The following MAP3K7 variants were observed in gnomAD, a reference collection of about 807,000 sequenced individuals.
The protein encoded by MAP3K7 is TGF-beta activated kinase 1.
Under a neutral mutation model 84.8 loss-of-function variants are expected in MAP3K7, and 21 were observed. The ratio of observed to expected loss-of-function variants is 0.25; its 90% CI spans 0.18 to 0.36. The LOEUF (loss-of-function observed/expected upper bound fraction) is 0.36. Among genes scored for constraint, MAP3K7 ranks in the 10% least tolerant of loss-of-function variants. The probability of loss-of-function intolerance (pLI) is 1.00; values close to 1 mark genes in which losing one functional copy is unlikely to be tolerated. For missense variants in MAP3K7, 503 were observed against 747.7 expected (o/e 0.67, Z 3.82); for synonymous variants, 241 against 247.7 (o/e 0.97, Z 0.25).
chr6:90,532,693 T>C (rs988393998), intron 13 of MAP3K7, among the ~76,000 whole-genome samples: 2 of 151,860 alleles, frequency 1.3e-5, no homozygotes, highest in Non-Finnish European at 2.9e-5. Flanking sequence ...AGAATGTATA[T>C]TGTTTTAGTG....
At chr6:90,542,747 T>A (rs568794926) in intron 12 of MAP3K7, among the ~76,000 whole-genome samples, 44 of 152,112 alleles carry the variant, frequency 2.9e-4, no homozygotes, top group Admixed American at 2.6e-4. Context: ...TAAAATAAGA[T>A]GTACTTTAAG....
intron 3 of MAP3K7, among the ~76,000 whole-genome samples, chr6:90,564,011 C>G (rs886124749): frequency 1.3e-5 from 2 of 152,158 alleles, no homozygotes; most frequent in African/African-American, 2.4e-5. Flanking sequence ...TACAGACAAA[C>G]AAATGCTGAC....
At chr6:90,585,618 C>CTTTTTTTTTTTTTTTTTTTTTTTTTT (rs1562116546) in intron 1 of MAP3K7, among the ~76,000 whole-genome samples, 7 of 150,484 alleles carry the variant, frequency 4.7e-5, no homozygotes, top group African/African-American at 1.8e-4. Context: ...GCAGTTTTTA[C>CTTTTTTTTTTTTTTTTTTTTTTTTTT]TTTTCTAAAT....
At chr6:90,580,341 T>C (rs537688014) in intron 1 of MAP3K7, among the ~76,000 whole-genome samples, 26 of 152,360 alleles carry the variant, frequency 1.7e-4, no homozygotes, top group Admixed American at 4.6e-4. Context: ...AATATTCAAG[T>C]TGTAAACCAC....
chr6:90,547,464 G>T, intron 10 of MAP3K7, 77 bp from the exon 11 acceptor site: 1 of 1,489,234 alleles, frequency 6.7e-7, no homozygotes, highest in Non-Finnish European at 9.2e-7. Context: ...AAAGGAGGAA[G>T]ATGGCAAATG....
At chr6:90,529,465 T>A (rs1362012856) in intron 13 of MAP3K7, among the ~76,000 whole-genome samples, 1 of 152,126 alleles carries the variant, frequency 6.6e-6, no homozygotes, top group Non-Finnish European at 1.5e-5. Flanking sequence ...GAGACTTAGG[T>A]TTCTCATTGA....
Position 90,571,815 on chromosome 6 carries a change from A to C in MAP3K7, c.121-8T>G. 6.6e-7 allele frequency: 1 copy of C among 1,504,574 alleles called. No individual in the cohort carries two copies. Among genetic ancestry groups the C allele is most frequent in the Non-Finnish European group, 9.1e-7 (1 of 1,103,298 alleles). The allele number at this position is 1,504,574 out of a possible 1,614,324, so 93.2% of individuals were successfully genotyped here. On this transcript the variant is annotated splice_polypyrimidine_tract_variant and splice_region_variant and intron_variant, in intron 1 of 16. Transcript: ENST00000369329. Reference sequence around the variant, plus strand: ...GGCTCCTCTTCCAACAACCTGAGTTAAACAAACAAACAAAAAACAAACAAA... The same window carrying C: ...GGCTCCTCTTCCAACAACCTGAGTTCAACAAACAAACAAAAAACAAACAAA...
At chr6:90,535,077 CAT>C (rs1257145436) in intron 13 of MAP3K7, among the ~76,000 whole-genome samples, 1 of 150,304 alleles carries the variant, frequency 6.7e-6, no homozygotes, top group African/African-American at 2.4e-5. Context: ...TATCACAAAA[CAT>C]AATAAATTAA....
chr6:90,519,231 A>T, intron 15 of MAP3K7, 27 bp downstream of exon 15: 1 of 1,528,962 alleles, frequency 6.5e-7, no homozygotes, highest in Non-Finnish European at 9.0e-7. Context: ...AAAAAAGTCA[A>T]CTTTCAATAA....
chr6:90,536,309 A>G, intron 13 of MAP3K7, 28 bp downstream of exon 13: 5 of 1,582,212 alleles, frequency 3.2e-6, no homozygotes, highest in Non-Finnish European at 4.3e-6. Flanking sequence ...GTATTCTTCA[A>G]AGATAGAAAA....
chr6:90,587,031 G>T lies in MAP3K7; in HGVS notation c.-148C>A. Reference sequence around the variant, plus strand: ...ATCCGTGGCGGGGGTAGAGGCAGCGGCCACAGCCGTGTCCGGCTCTGGCTC... The same window carrying T: ...ATCCGTGGCGGGGGTAGAGGCAGCGTCCACAGCCGTGTCCGGCTCTGGCTC... On this transcript the variant is annotated 5_prime_UTR_variant, in exon 1 of 17. Coordinates refer to ENST00000369329, the MANE Select transcript of MAP3K7 (RefSeq NM_145331.3). The T allele has an allele frequency of 1.0e-6, 1 of 955,352 alleles. No homozygotes were observed. Among genetic ancestry groups the T allele is most frequent in the Non-Finnish European group, 1.4e-6 (1 of 695,938 alleles). 59.2% of individuals were successfully genotyped at this position (955,352 alleles called of 1,614,324 possible). A position where few individuals can be genotyped will look rare whatever the true frequency, so the allele number is the denominator to read the frequency against.
rs1774969815 is a variant in MAP3K7 at position 90,516,573 on chromosome 6, A to C, written c.1749T>G (p.Thr583=). 6.2e-7 allele frequency: 1 copy of C among 1,612,616 alleles called. No individual in the cohort carries two copies. The highest frequency in any genetic ancestry group is 1.3e-5 in the African/African-American group (1 of 74,772). Reference sequence around the variant, plus strand: ...GTTGTTTTTTGCATTGCTGGTAGTAAGTAGAAAGGCTTTTGTTTTCATCTA... The same window carrying C: ...GTTGTTTTTTGCATTGCTGGTAGTACGTAGAAAGGCTTTTGTTTTCATCTA... ...KLLDENKSLS[T]YYQQCKKQLE... Residue 583 remains threonine, a synonymous_variant, in exon 17 of 17, where the codon ACT becomes ACG. Coordinates refer to ENST00000369329, the MANE Select transcript of MAP3K7 (RefSeq NM_145331.3).
At chr6:90,533,756 T>C (rs1042755808) in intron 13 of MAP3K7, among the ~76,000 whole-genome samples, 1 of 152,334 alleles carries the variant, frequency 6.6e-6, no homozygotes, top group East Asian at 1.9e-4. Context: ...GACAGTAACA[T>C]GCTCTAGCTG....
intron 3 of MAP3K7, among the ~76,000 whole-genome samples, chr6:90,564,626 C>T (rs919635930): frequency 6.6e-6 from 1 of 152,160 alleles, no homozygotes; most frequent in African/African-American, 2.4e-5. Flanking sequence ...TATTGGGAGG[C>T]TTTAACACCC....
chr6:90,530,569 G>A (rs1248214248), intron 13 of MAP3K7, among the ~76,000 whole-genome samples: 1 of 152,058 alleles, frequency 6.6e-6, no homozygotes. Context: ...CACTTTTAAT[G>A]CAAGTTTCAA....
intron 13 of MAP3K7, among the ~76,000 whole-genome samples, chr6:90,532,727 T>C (rs1775547841): frequency 6.6e-6 from 1 of 152,180 alleles, no homozygotes; most frequent in African/African-American, 2.4e-5. Flanking sequence ...CTCACCCAGG[T>C]GTATAAAACA....
intron 4 of MAP3K7, among the ~76,000 whole-genome samples, chr6:90,560,424 C>T (rs1037409378): frequency 3.9e-5 from 6 of 152,070 alleles, no homozygotes; most frequent in African/African-American, 1.2e-4. Flanking sequence ...TGCAGTGGTG[C>T]GATCTTGGCT....
chr6:90,587,069 C>A lies in MAP3K7; in HGVS notation c.-186G>T. On this transcript the variant is annotated 5_prime_UTR_variant, in exon 1 of 17. Transcript: ENST00000369329. ...CCGGCTCTGGCTCCGCTGCGTTTTC[C>A]GCCGACGGGCCCCGCCCACTACACT... 1 of 612,426 alleles carries A rather than the reference C, an allele frequency of 1.6e-6. No individual in the cohort carries two copies. The highest frequency in any genetic ancestry group is 2.5e-6 in the Non-Finnish European group (1 of 395,014). The allele number at this position is 612,426 out of a possible 1,614,324, so 37.9% of individuals were successfully genotyped here.
In MAP3K7 at chr6:90,513,760, C is replaced by T. The variant is rs1316579956; in HGVS notation, c.*2741G>A. On this transcript the variant is annotated 3_prime_UTR_variant, in exon 17 of 17. Coordinates refer to ENST00000369329, the MANE Select transcript of MAP3K7 (RefSeq NM_145331.3). ...GGAGTTGAGCGCTGAAAACCACACA[C>T]ATTTATAGAAAGAAACCAAAGTTTC... The T allele has an allele frequency of 2.0e-5, 3 of 152,024 alleles. No individual in the cohort carries two copies. The highest frequency in any genetic ancestry group is 2.4e-5 in the African/African-American group (1 of 41,410). The allele number at this position is 152,024 out of a possible 1,614,324, so 9.4% of individuals were successfully genotyped here. A position where few individuals can be genotyped will look rare whatever the true frequency, so the allele number is the denominator to read the frequency against.
Sources: gnomAD v4.1 joint callset for allele counts (sites outside exome capture counted in the v4.1 genomes callset) on GRCh38, gnomAD v4.1.1 for gene constraint, MANE v1.5 for transcripts, NCBI Gene and HGNC (gene_info 2026-07-23, HGNC 2026-07-21) for gene names.